SLC24A2: variants seen among roughly 807,000 people sequenced by gnomAD.
SLC24A2 encodes the protein sodium/potassium/calcium exchanger 2.
In SLC24A2, 36 loss-of-function variants were observed where a neutral mutation model predicts 62.0. The ratio of observed to expected loss-of-function variants is 0.58; its 90% CI spans 0.44 to 0.77. The LOEUF (loss-of-function observed/expected upper bound fraction) is 0.77, where lower values mean the gene tolerates loss of function less well. Among genes scored for constraint, SLC24A2 ranks in the 30% least tolerant of loss-of-function variants. The pLI, the probability that SLC24A2 is intolerant of heterozygous loss-of-function variation, is 0.00. For synonymous variants in SLC24A2, 358 were observed against 294.0 expected (o/e 1.22, Z -2.23); for missense variants, 846 against 817.9 (o/e 1.03, Z -0.42).
At chr9:19,525,532 T>G (rs1833406543) in intron 9 of SLC24A2, among the ~76,000 whole-genome samples, 1 of 151,168 alleles carries the variant, frequency 6.6e-6, no homozygotes, top group Non-Finnish European at 1.5e-5. Context: ...ACCTCCCGAG[T>G]AGCTGGGACT....
At chr9:19,894,483 A>G in the SLC24A2 span, among the ~76,000 whole-genome samples, 1 of 152,186 alleles carries the variant, frequency 6.6e-6, no homozygotes, top group African/African-American at 2.4e-5. Context: ...TACATGAATG[A>G]CTGAATTGAT....
At chr9:19,694,771 C>T (rs1314963389) in intron 2 of SLC24A2, among the ~76,000 whole-genome samples, 2 of 151,984 alleles carry the variant, frequency 1.3e-5, no homozygotes, top group African/African-American at 4.8e-5. Flanking sequence ...GTGAGACTAC[C>T]CTATGGAGAC....
the SLC24A2 span, among the ~76,000 whole-genome samples, chr9:20,222,849 C>T: frequency 1.3e-5 from 2 of 152,008 alleles, no homozygotes; most frequent in Non-Finnish European, 2.9e-5. Flanking sequence ...AAAACTACAG[C>T]AAGCATTATC....
chr9:20,095,717 T>G, the SLC24A2 span, among the ~76,000 whole-genome samples: 3 of 152,010 alleles, frequency 2.0e-5, no homozygotes, highest in Non-Finnish European at 4.4e-5. Context: ...TATTAGTTCG[T>G]TTTCATGCTG....
chr9:19,699,232 T>C (rs554856889), intron 2 of SLC24A2, among the ~76,000 whole-genome samples: 1 of 152,278 alleles, frequency 6.6e-6, no homozygotes, highest in African/African-American at 2.4e-5. Context: ...CAAGAACGGC[T>C]GGCAAAGTAA....
chr9:19,832,798 C>A, the SLC24A2 span, among the ~76,000 whole-genome samples: 3 of 152,126 alleles, frequency 2.0e-5, no homozygotes, highest in African/African-American at 7.2e-5. Flanking sequence ...TCAGAGTGAA[C>A]AGGCAACCTA....
At chr9:20,014,874 T>C in the SLC24A2 span, among the ~76,000 whole-genome samples, 110,237 of 151,924 alleles carry the variant, frequency 0.73, 40,158 homozygotes, top group Admixed American at 0.8. Context: ...ATAACAGAGA[T>C]TATTTCGAAT....
chr9:20,227,222 C>T, the SLC24A2 span, among the ~76,000 whole-genome samples: 1 of 152,216 alleles, frequency 6.6e-6, no homozygotes, highest in Non-Finnish European at 1.5e-5. Context: ...TATGTTGACT[C>T]TGCTGCTGGA....
At chr9:19,881,187 C>T in the SLC24A2 span, among the ~76,000 whole-genome samples, 1 of 152,110 alleles carries the variant, frequency 6.6e-6, no homozygotes, top group South Asian at 2.1e-4. Context: ...TCACTTGAGT[C>T]TAGCAGGAAA....
chr9:19,625,952 G>T (rs549492537), intron 2 of SLC24A2, among the ~76,000 whole-genome samples: 1 of 152,192 alleles, frequency 6.6e-6, no homozygotes, highest in African/African-American at 2.4e-5. Flanking sequence ...CTCCCAAAGT[G>T]CTGGGATTAC....
chr9:19,999,582 G>T, the SLC24A2 span, among the ~76,000 whole-genome samples: 36 of 152,238 alleles, frequency 2.4e-4, no homozygotes, highest in South Asian at 6.9e-3. Flanking sequence ...GCTACAAAAG[G>T]TTTGCATTTT....
the SLC24A2 span, among the ~76,000 whole-genome samples, chr9:20,060,863 C>T: frequency 6.6e-6 from 1 of 151,902 alleles, no homozygotes; most frequent in African/African-American, 2.4e-5. Flanking sequence ...GATCAATATG[C>T]AAAACTTAAT....
chr9:20,186,702 A>G, the SLC24A2 span, among the ~76,000 whole-genome samples: 1 of 152,216 alleles, frequency 6.6e-6, no homozygotes, highest in Non-Finnish European at 1.5e-5. Context: ...TGAAAAAAAA[A>G]GAGGAAAAAT....
intron 2 of SLC24A2, among the ~76,000 whole-genome samples, chr9:19,738,815 A>G (rs1821586722): frequency 6.6e-6 from 1 of 152,142 alleles, no homozygotes; most frequent in Non-Finnish European, 1.5e-5. Context: ...TTTATTTAAA[A>G]TAACATAAAA....
the SLC24A2 span, among the ~76,000 whole-genome samples, chr9:20,222,046 G>A: frequency 1.3e-5 from 2 of 152,126 alleles, no homozygotes; most frequent in African/African-American, 2.4e-5. Context: ...CAAAAAGCTG[G>A]GAGTGGGGGC....
At chr9:20,299,104 G>C in the SLC24A2 span, among the ~76,000 whole-genome samples, 2 of 152,246 alleles carry the variant, frequency 1.3e-5, no homozygotes, top group Non-Finnish European at 2.9e-5. Flanking sequence ...AGAATGGCTA[G>C]ATGGGAAAGC....
At chr9:20,275,081 A>T in the SLC24A2 span, among the ~76,000 whole-genome samples, 7 of 151,986 alleles carry the variant, frequency 4.6e-5, no homozygotes, top group African/African-American at 7.3e-5. Flanking sequence ...CAGCAGGAAG[A>T]GATGAACACA....
At chr9:19,969,183 C>CCCCACACACA in the SLC24A2 span, among the ~76,000 whole-genome samples, 17 of 122,272 alleles carry the variant, frequency 1.4e-4, no homozygotes, top group Middle Eastern at 4.1e-3. Context: ...ACCTCCTTTG[C>CCCCACACACA]CACACACACA....
the SLC24A2 span, among the ~76,000 whole-genome samples, chr9:20,141,625 C>G: frequency 6.6e-6 from 1 of 151,746 alleles, no homozygotes; most frequent in East Asian, 1.9e-4. Flanking sequence ...TCTAGTATAT[C>G]ACCACCACAC....
Sources: allele counts gnomAD v4.1 joint callset (sites outside exome capture counted in the v4.1 genomes callset), GRCh38; gene constraint gnomAD v4.1.1; transcripts MANE v1.5; gene names NCBI Gene and HGNC (gene_info 2026-07-23, HGNC 2026-07-21).